Variants in TACC2 observed in about 807,000 individuals in gnomAD.
TACC2 encodes the protein transforming acidic coiled-coil containing protein 2, also known as transforming acidic coiled-coil-containing protein 2.
TACC2 carries 137 observed loss-of-function variants against 227.3 expected under a neutral mutation model. The ratio of observed to expected loss-of-function variants is 0.60; its 90% CI spans 0.52 to 0.69. The LOEUF is 0.69. Ranked by LOEUF, TACC2 falls within the 30% of genes least tolerant of loss-of-function variation. The pLI is 0.00. For synonymous variants in TACC2, 1,523 were observed against 1,487.5 expected (o/e 1.02, Z -0.55); for missense variants, 3,470 against 3,694.4 (o/e 0.94, Z 1.57).
chr10:122,122,088 GCTCACGCC>G (rs1430167914), intron 5 of TACC2, among the ~76,000 whole-genome samples: 3 of 152,208 alleles, frequency 2.0e-5, no homozygotes, highest in African/African-American at 7.2e-5. Context: ...AGGCGCGGTG[GCTCACGCC>G]TGTAATCCCA....
intron 7 of TACC2, among the ~76,000 whole-genome samples, chr10:122,175,165 G>T (rs1401055021): frequency 6.6e-6 from 1 of 152,148 alleles, no homozygotes; most frequent in Non-Finnish European, 1.5e-5. Flanking sequence ...ATGTTGCCCA[G>T]GCTGGTCTCT....
At chr10:122,022,895 A>G (rs1374176985) in intron 2 of TACC2, 1 of 152,230 alleles carries the variant, frequency 6.6e-6, no homozygotes, top group African/African-American at 2.4e-5. Context: ...TTTTAACTTA[A>G]TGCGTTGGTG....
rs370391679 is a variant in TACC2, at chr10:122,242,039, G to A, written c.8392+38G>A. 1.7e-5 allele frequency: 27 copies of A among 1,596,764 alleles called. No homozygotes were observed. In the African/African-American group the frequency reaches 2.3e-4, roughly 13 times the overall value. On this transcript the variant is annotated intron_variant, in intron 19 of 22. Coordinates refer to ENST00000369005, the MANE Select transcript of TACC2 (RefSeq NM_206862.4). ...ACCTGCGGGGGCTCAGGCCGGCCCCGATGTTTCTGAACTATGAGGAGGCCT... is the reference window on the plus strand; with the variant it reads ...ACCTGCGGGGGCTCAGGCCGGCCCCAATGTTTCTGAACTATGAGGAGGCCT...
At chr10:122,098,134 G>C (rs989719956) in intron 5 of TACC2, among the ~76,000 whole-genome samples, 3 of 152,196 alleles carry the variant, frequency 2.0e-5, no homozygotes, top group African/African-American at 7.2e-5. Flanking sequence ...GGAGTCAGCT[G>C]TTCACGGGCT....
At position 122,238,046 on chromosome 10, in the gene TACC2, G is replaced by A. The variant is rs1184164322; in HGVS notation, c.8348+9G>A. ...GAAGTGATGGAAATGAGGTCAGTTG[G>A]GGAGCTGGGCCTTCCTCGTGCCTGA... On this transcript the variant is annotated intron_variant, in intron 18 of 22. Coordinates refer to ENST00000369005, the MANE Select transcript of TACC2 (RefSeq NM_206862.4). 6.2e-7 allele frequency: 1 copy of A among 1,613,370 alleles called. No individual in the cohort carries two copies. Among genetic ancestry groups the A allele is most frequent in the Non-Finnish European group, 8.5e-7 (1 of 1,179,404 alleles).
At chr10:122,032,091 A>G in intron 2 of TACC2, among the ~76,000 whole-genome samples, 1 of 152,192 alleles carries the variant, frequency 6.6e-6, no homozygotes, top group Non-Finnish European at 1.5e-5. Flanking sequence ...TGCTGTGCCC[A>G]GAATATGGGA....
chr10:122,122,760 G>C (rs2086093982), intron 5 of TACC2, among the ~76,000 whole-genome samples: 1 of 152,170 alleles, frequency 6.6e-6, no homozygotes. Context: ...CTGCATGAGT[G>C]AGTGTGTGCA....
Position 122,210,740 on chromosome 10 carries a change from C to T in TACC2, c.6315C>T (p.Ala2105=), listed in dbSNP as rs764129065. ...DGASSSGNPE[A]VALAPDAYST... is the part of the protein sequence containing the mutation. Reference sequence around the variant, plus strand: ...CTTCTTCCTCAGGCAATCCCGAGGCCGTGGCCCTTGCCCCAGATGCATATA... The same window carrying T: ...CTTCTTCCTCAGGCAATCCCGAGGCTGTGGCCCTTGCCCCAGATGCATATA... Residue 2105 remains alanine (A), a synonymous_variant, in exon 9 of 23, where the codon GCC becomes GCT. Coordinates refer to ENST00000369005, the MANE Select transcript of TACC2 (RefSeq NM_206862.4). The surrounding 1 kb of genome is among the most constrained non-coding windows in gnomAD (Gnocchi z 4.6). The T allele has an allele frequency of 2.5e-5, 40 of 1,613,900 alleles. No homozygotes were observed. The highest frequency in any genetic ancestry group is 4.5e-5 in the East Asian group (2 of 44,880).
rs186579137 is a variant in TACC2, at chr10:122,067,058, T to C, written c.147-15589T>C. On this transcript the variant is annotated intron_variant, in intron 3 of 22. Coordinates refer to ENST00000369005, the MANE Select transcript of TACC2 (RefSeq NM_206862.4). ...TATTATTTGTGCTTTAATCAGCCAA[T>C]TATCTTTTAAAAGAGATTTAAGTAA... Among the ~76,000 whole-genome samples, 71 of 152,344 alleles carry C rather than the reference T, an allele frequency of 4.7e-4. No homozygotes were observed. The East Asian group carries it at 7.5e-3, about 16-fold the overall frequency.
intron 2 of TACC2, among the ~76,000 whole-genome samples, chr10:122,031,134 GA>G (rs1342613140): frequency 1.3e-5 from 2 of 152,144 alleles, no homozygotes; most frequent in African/African-American, 4.8e-5. Context: ...AAGGTTGTAA[GA>G]GACAGAAGCC....
chr10:122,244,745 G>A (rs1317254319), intron 19 of TACC2, among the ~76,000 whole-genome samples: 4 of 152,102 alleles, frequency 2.6e-5, no homozygotes, highest in Non-Finnish European at 4.4e-5. Context: ...GACTGTAGTC[G>A]TATTTTGAAG....
At chr10:122,134,405 T>C (rs773060530) in intron 6 of TACC2, among the ~76,000 whole-genome samples, 11 of 152,128 alleles carry the variant, frequency 7.2e-5, no homozygotes, top group Non-Finnish European at 1.2e-4. Context: ...CTCAAACTCC[T>C]GACCCCCAGG....
At chr10:122,163,513 T>G in intron 7 of TACC2, 3 of 954,878 alleles carry the variant, frequency 3.1e-6, no homozygotes, top group Non-Finnish European at 3.7e-6. Context: ...GAGCCCGCGA[T>G]GGAGCTTTGT....
At chr10:122,020,224 A>G (rs1957165492) in intron 1 of TACC2, among the ~76,000 whole-genome samples, 1 of 152,212 alleles carries the variant, frequency 6.6e-6, no homozygotes, top group South Asian at 2.1e-4. Flanking sequence ...TTTTCTAATG[A>G]GGGATCATCT....
chr10:122,226,362 G>C lies in TACC2; in HGVS notation c.7609-4G>C. ...AAGCTGATATGTGATTTTGATCCCT[G>C]CAGCAGGACGACGATGCCCCGAAGA... On this transcript the variant is annotated splice_polypyrimidine_tract_variant and splice_region_variant and intron_variant, in intron 12 of 22. Coordinates refer to ENST00000369005, the MANE Select transcript of TACC2 (RefSeq NM_206862.4). 1 of 1,610,970 alleles carries C rather than the reference G, an allele frequency of 6.2e-7. No individual in the cohort carries two copies. Among genetic ancestry groups the C allele is most frequent in the Non-Finnish European group, 8.5e-7 (1 of 1,177,454 alleles).
intron 2 of TACC2, among the ~76,000 whole-genome samples, chr10:122,025,660 G>T (rs1167040196): frequency 6.7e-6 from 1 of 150,024 alleles, no homozygotes; most frequent in African/African-American, 2.5e-5. Context: ...TGCAACCTCC[G>T]CCTCCCAGGT....
chr10:122,100,426 CT>C (rs1219805294), intron 5 of TACC2, among the ~76,000 whole-genome samples: 5,057 of 141,120 alleles, frequency 0.036, 110 homozygotes, highest in African/African-American at 0.075. Flanking sequence ...TCTTCTCTTC[CT>C]TTTTTTTTTT....
intron 1 of TACC2, among the ~76,000 whole-genome samples, chr10:122,004,503 T>C (rs1352962478): frequency 6.6e-6 from 1 of 152,132 alleles, no homozygotes; most frequent in East Asian, 1.9e-4. Context: ...AGGTTAGCCT[T>C]TTAAGATGTT....
chr10:122,144,009 G>GTA (rs766890843), intron 7 of TACC2, among the ~76,000 whole-genome samples: 18 of 152,190 alleles, frequency 1.2e-4, no homozygotes, highest in South Asian at 2.1e-4. Context: ...GTATTTATAT[G>GTA]TATATATATA....
Sources: allele counts gnomAD v4.1 joint callset (sites outside exome capture counted in the v4.1 genomes callset), GRCh38; gene constraint gnomAD v4.1.1; non-coding constraint Gnocchi (gnomAD v3.1); transcripts MANE v1.5; gene names NCBI Gene and HGNC (gene_info 2026-07-23, HGNC 2026-07-21).